PDIA5: variants seen among roughly 807,000 people sequenced by gnomAD.
PDIA5 encodes protein disulfide-isomerase A5.
PDIA5 carries 58 observed loss-of-function variants against 77.6 expected under a neutral mutation model. The ratio of observed to expected loss-of-function variants is 0.75; its 90% CI spans 0.61 to 0.93. The LOEUF is 0.93. Ranked by LOEUF, PDIA5 falls within the 40% of genes least tolerant of loss-of-function variation. The pLI, the probability that PDIA5 is intolerant of heterozygous loss-of-function variation, is 0.00. For synonymous variants in PDIA5, 250 were observed against 252.1 expected, an observed-to-expected ratio of 0.99 and a Z score of 0.08; for missense variants, 630 against 647.7, an observed-to-expected ratio of 0.97 and a Z score of 0.30.
At chr3:123,103,169 C>T (rs1234469461) in intron 5 of PDIA5, among the ~76,000 whole-genome samples, 3 of 152,146 alleles carry the variant, frequency 2.0e-5, no homozygotes, top group Non-Finnish European at 4.4e-5. Context: ...CAGGGTATTG[C>T]ACATGGGCAG....
At position 123,097,462 on chromosome 3, in the gene PDIA5, C is replaced by T. The variant is rs569132545; in HGVS notation, c.258-4949C>T. On this transcript the variant is annotated intron_variant, in intron 3 of 16. Transcript: ENST00000316218. ...CCTTGTGATGTACCTTCTTGAGGCA[C>T]GTACCAAGGGAAACAGCCAACTCAG... Among the ~76,000 whole-genome samples, 10 of 152,262 alleles carry T rather than the reference C, an allele frequency of 6.6e-5. No homozygotes were observed. In the East Asian group the frequency reaches 7.7e-4, roughly 12 times the overall value.
chr3:123,109,805 C>G (rs1934820576), intron 6 of PDIA5, among the ~76,000 whole-genome samples: 1 of 152,168 alleles, frequency 6.6e-6, no homozygotes, highest in South Asian at 2.1e-4. Context: ...CACAAAGATG[C>G]CATTACATTT....
chr3:123,123,370 A>G (rs1005072870), intron 8 of PDIA5, among the ~76,000 whole-genome samples: 11 of 152,200 alleles, frequency 7.2e-5, no homozygotes. Context: ...GAGCCAGAAT[A>G]TGTTCAGAAT....
Position 123,145,544 on chromosome 3 carries a change from G to A in PDIA5, c.933G>A (p.Met311Ile). 1 of 1,614,122 alleles carries A rather than the reference G, an allele frequency of 6.2e-7. No homozygotes were observed. Among genetic ancestry groups the A allele is most frequent in the Middle Eastern group, 1.6e-4 (1 of 6,062 alleles). The change falls in exon 12 of 17, where the codon ATG becomes ATA. Residue 311 changes from methionine (M) to isoleucine (I), a missense_variant. Transcript: ENST00000316218. Reference protein sequence around the residue: ...HAPWCGHCKKMKPEFEKAAEA... With the variant: ...HAPWCGHCKKIKPEFEKAAEA... ...CAGGGTGTGGCCACTGTAAGAAAATGAAGCCGGAGTTTGAGAAGGCAGCAG... is the reference window on the plus strand; with the variant it reads ...CAGGGTGTGGCCACTGTAAGAAAATAAAGCCGGAGTTTGAGAAGGCAGCAG...
intron 6 of PDIA5, among the ~76,000 whole-genome samples, chr3:123,108,616 A>ATG (rs75314366): frequency 0.032 from 16 of 496 alleles, 1 homozygote; most frequent in East Asian, 0.26. Context: ...TGGGCCCGGC[A>ATG]CTGGCTCACG....
intron 3 of PDIA5, among the ~76,000 whole-genome samples, chr3:123,097,697 C>T (rs1175449867): frequency 6.6e-6 from 1 of 152,084 alleles, no homozygotes; most frequent in African/African-American, 2.4e-5. Flanking sequence ...CCGCCCCCTC[C>T]CCCTCCATTT....
At chr3:123,087,505 A>G (rs1289356484) in intron 1 of PDIA5, among the ~76,000 whole-genome samples, 2 of 144,862 alleles carry the variant, frequency 1.4e-5, no homozygotes, top group African/African-American at 2.6e-5. Context: ...AACCCTAATT[A>G]TTTCTGTGAT....
intron 1 of PDIA5, among the ~76,000 whole-genome samples, chr3:123,075,761 T>A (rs1316436231): frequency 2.6e-5 from 4 of 152,204 alleles, no homozygotes; most frequent in African/African-American, 9.7e-5. Flanking sequence ...AATGGATTCC[T>A]GGGCTCCCAG....
At chr3:123,106,902 C>G in intron 6 of PDIA5, 61 bp downstream of exon 6, 2 of 1,136,848 alleles carry the variant, frequency 1.8e-6, no homozygotes, top group Non-Finnish European at 2.6e-6. Flanking sequence ...CAGGGCCTCC[C>G]AAGGAAAGGA....
intron 11 of PDIA5, among the ~76,000 whole-genome samples, chr3:123,135,551 G>A (rs913380685): frequency 4.6e-5 from 7 of 152,036 alleles, no homozygotes; most frequent in African/African-American, 7.2e-5. Flanking sequence ...TCCAGGAGCC[G>A]GGCTGTTTCT....
At chr3:123,117,512 AT>A (rs921117420) in intron 8 of PDIA5, among the ~76,000 whole-genome samples, 3 of 151,084 alleles carry the variant, frequency 2.0e-5, no homozygotes, top group Non-Finnish European at 2.9e-5. Context: ...GATGTATGCC[AT>A]CTAGCCAGGC....
chr3:123,073,767 G>A (rs564063526), intron 1 of PDIA5, among the ~76,000 whole-genome samples: 17 of 152,312 alleles, frequency 1.1e-4, no homozygotes, highest in East Asian at 1.9e-4. Flanking sequence ...TTGCGGGGGC[G>A]CAAGGGTGGA....
At chr3:123,140,721 T>G (rs1288101351) in intron 11 of PDIA5, among the ~76,000 whole-genome samples, 1 of 152,166 alleles carries the variant, frequency 6.6e-6, no homozygotes, top group Non-Finnish European at 1.5e-5. Flanking sequence ...AGCTGTGTCA[T>G]GTGTCTGGTG....
At chr3:123,154,905 C>A in intron 14 of PDIA5, 66 bp from the exon 15 acceptor site, 2 of 1,054,720 alleles carry the variant, frequency 1.9e-6, no homozygotes, top group Non-Finnish European at 3.0e-6. Flanking sequence ...CAGGAAGGGT[C>A]CCTGGCCCTG....
chr3:123,122,862 G>A (rs964835315), intron 8 of PDIA5, among the ~76,000 whole-genome samples: 2 of 152,190 alleles, frequency 1.3e-5, no homozygotes, highest in Non-Finnish European at 2.9e-5. Flanking sequence ...TCTTCTCTCT[G>A]CTTCTGTAAC....
intron 5 of PDIA5, among the ~76,000 whole-genome samples, chr3:123,103,750 C>T (rs1434584371): frequency 6.6e-6 from 1 of 152,202 alleles, no homozygotes; most frequent in Non-Finnish European, 1.5e-5. Context: ...TTACTCATCA[C>T]CTTAACACCT....
At chr3:123,159,584 C>T (rs1936107079) in intron 15 of PDIA5, among the ~76,000 whole-genome samples, 4 of 152,226 alleles carry the variant, frequency 2.6e-5, no homozygotes, top group Admixed American at 2.6e-4. Context: ...TGTATTAAAT[C>T]TTCTGGCTCC....
intron 1 of PDIA5, 77 bp downstream of exon 1, chr3:123,067,283 C>A: frequency 8.6e-7 from 1 of 1,164,030 alleles, no homozygotes; most frequent in Non-Finnish European, 1.1e-6. Context: ...CTGCTCCAGC[C>A]CTCTGCGGAA....
Position 123,161,401 on chromosome 3 carries a change from T to A in PDIA5, c.1425T>A (p.Thr475=). 1 of 1,614,170 alleles carries A rather than the reference T, an allele frequency of 6.2e-7. No individual in the cohort carries two copies. ...CQQEAVKGYP[T]FHYYHYGKFA... ...AGGAGGCGGTCAAGGGCTACCCCAC[T>A]TTCCACTACTACCACTATGGGAAGT... The change falls in exon 16 of 17, where the codon ACT becomes ACA. Residue 475 remains threonine (T), a synonymous_variant. Transcript: ENST00000316218.
Sources: gnomAD v4.1 joint callset for allele counts (sites outside exome capture counted in the v4.1 genomes callset) on GRCh38, gnomAD v4.1.1 for gene constraint, MANE v1.5 for transcripts, NCBI Gene and HGNC (gene_info 2026-07-23, HGNC 2026-07-21) for gene names.